The following ABLIM1 variants were observed in gnomAD, a reference collection of about 807,000 sequenced individuals.
The protein encoded by ABLIM1 is actin binding LIM protein 1, also known as actin-binding LIM protein 1.
In ABLIM1, 40 loss-of-function variants were observed where a neutral mutation model predicts 107.0. That is an observed-to-expected ratio of 0.37 (90% CI 0.29 to 0.49). ABLIM1 has a LOEUF of 0.49. ABLIM1 is among the 20% of genes least tolerant of loss of function. The pLI is 0.97. For synonymous variants in ABLIM1, 357 were observed against 357.3 expected (o/e 1.00, Z 0.01); for missense variants, 857 against 1,008.5 (o/e 0.85, Z 2.04).
intron 1 of ABLIM1, among the ~76,000 whole-genome samples, chr10:114,670,617 C>G (rs1261229326): frequency 6.6e-6 from 1 of 152,302 alleles, no homozygotes; most frequent in Admixed American, 6.5e-5. Flanking sequence ...CTCAGCCTCC[C>G]GAGTAGCTGA....
chr10:114,570,767 C>T (rs1470690096), intron 4 of ABLIM1, among the ~76,000 whole-genome samples: 1 of 152,018 alleles, frequency 6.6e-6, no homozygotes, highest in Non-Finnish European at 1.5e-5. Context: ...CACTATCATA[C>T]ACAGCTACTT....
intron 1 of ABLIM1, among the ~76,000 whole-genome samples, chr10:114,657,057 C>T (rs1403637529): frequency 1.3e-5 from 2 of 152,176 alleles, no homozygotes; most frequent in South Asian, 2.1e-4. Flanking sequence ...ATGAATTTTA[C>T]AGCATATGAA....
In ABLIM1 at chr10:114,581,195, T is replaced by TA. The variant is rs538255262; in HGVS notation, c.380-5597dup. Among the ~76,000 whole-genome samples, 587 of 152,244 alleles carry TA rather than the reference T, an allele frequency of 3.9e-3. 2 individuals carry two copies. Among genetic ancestry groups the TA allele is most frequent in the Non-Finnish European group, 6.4e-3 (432 of 68,012 alleles). ...GCATATTTTAAAAGCTGAAATCTTT[T>TA]AAAAAAAGTAACAGGAGCTGCCCAT... On this transcript the variant is annotated intron_variant, in intron 2 of 22. Transcript: ENST00000533213.
chr10:114,709,532 A>T lies in ABLIM1; in HGVS notation c.-213+58529T>A, dbSNP rs114749806. On this transcript the variant is annotated intron_variant, in intron 1 of 15. Coordinates refer to the ABLIM1 transcript ENST00000651092. ...ATGATCAAAATTCCTATATTTATTG[A>T]TCTAAAACTGTAGCAGTGAGTACAT... is the stretch of plus-strand genomic sequence containing the variant. Among the ~76,000 whole-genome samples, 773 of 152,342 alleles carry T rather than the reference A, an allele frequency of 5.1e-3. 5 individuals are homozygous for T. The highest frequency in any genetic ancestry group is 0.017 in the African/African-American group (726 of 41,576).
At chr10:114,770,271 G>T (rs1177060229), upstream of ABLIM1, among the ~76,000 whole-genome samples, 1 of 152,038 alleles carries the variant, frequency 6.6e-6, no homozygotes, top group African/African-American at 2.4e-5. Context: ...CAGTCTCTAG[G>T]GTAGATACTA....
At chr10:114,651,396 C>T (rs2079233274) in intron 1 of ABLIM1, among the ~76,000 whole-genome samples, 1 of 152,112 alleles carries the variant, frequency 6.6e-6, no homozygotes, top group South Asian at 2.1e-4. Context: ...GAGGTAAGAT[C>T]AGGCCGGCCC....
At position 114,432,020 on chromosome 10, in the gene ABLIM1, C is replaced by T. The variant is rs182582772; in HGVS notation, c.*4240G>A. The T allele has an allele frequency of 8.1e-4, 124 of 152,294 alleles. No individual in the cohort carries two copies. Among genetic ancestry groups the T allele is most frequent in the African/African-American group, 2.8e-3 (118 of 41,558 alleles). The allele number at this position is 152,294 out of a possible 1,614,324, so 9.4% of individuals were successfully genotyped here. Reference sequence around the variant, plus strand: ...GCCAAAGTGAAGGTTTCTCTTTCTTCTATCACAACATAGTTGGGTAGTTCC... The same window carrying T: ...GCCAAAGTGAAGGTTTCTCTTTCTTTTATCACAACATAGTTGGGTAGTTCC... On this transcript the variant is annotated 3_prime_UTR_variant, in exon 23 of 23. Coordinates refer to ENST00000533213, the MANE Select transcript of ABLIM1 (RefSeq NM_002313.7).
chr10:114,786,294 A>C, the ABLIM1 span, among the ~76,000 whole-genome samples: 1 of 152,206 alleles, frequency 6.6e-6, no homozygotes, highest in East Asian at 1.9e-4. Context: ...TCTGTTAGAA[A>C]ATATGAGGGG....
At chr10:114,665,502 G>T (rs1356791265) in intron 1 of ABLIM1, among the ~76,000 whole-genome samples, 1 of 152,226 alleles carries the variant, frequency 6.6e-6, no homozygotes, top group Admixed American at 6.5e-5. Flanking sequence ...AAAGGACATG[G>T]AGAAGCTCTT....
intron 1 of ABLIM1, among the ~76,000 whole-genome samples, chr10:114,712,090 C>G (rs900003084): frequency 6.6e-6 from 1 of 152,092 alleles, no homozygotes; most frequent in Non-Finnish European, 1.5e-5. Context: ...CGGTGACTCA[C>G]ACCTGTAATC....
chr10:114,724,101 T>A (rs2081907725), intron 1 of ABLIM1, among the ~76,000 whole-genome samples: 2 of 152,202 alleles, frequency 1.3e-5, no homozygotes, highest in African/African-American at 4.8e-5. Context: ...AAATTTTGGT[T>A]GCTTTATTAA....
chr10:114,732,909 A>G (rs866806073), intron 1 of ABLIM1, among the ~76,000 whole-genome samples: 4 of 152,212 alleles, frequency 2.6e-5, no homozygotes, highest in Non-Finnish European at 5.9e-5. Context: ...GCATTGACTC[A>G]TGCTCCAACT....
chr10:114,490,683 C>G (rs2058786512), intron 7 of ABLIM1, among the ~76,000 whole-genome samples: 1 of 151,932 alleles, frequency 6.6e-6, no homozygotes, highest in Non-Finnish European at 1.5e-5. Context: ...AGAATCCTCT[C>G]TCAAAGCCTC....
At position 114,433,728 on chromosome 10, in the gene ABLIM1, G is replaced by A. The variant is rs1250610820; in HGVS notation, c.*2532C>T. 1 of 152,152 alleles carries A rather than the reference G, an allele frequency of 6.6e-6. No individual in the cohort carries two copies. The highest frequency in any genetic ancestry group is 6.6e-5 in the Admixed American group (1 of 15,264). 9.4% of individuals were successfully genotyped at this position (152,152 alleles called of 1,614,324 possible). On this transcript the variant is annotated 3_prime_UTR_variant, in exon 23 of 23. Coordinates refer to ENST00000533213, the MANE Select transcript of ABLIM1 (RefSeq NM_002313.7). ...CTCCTAGTCTCTATAAAATAAGGAA[G>A]GGGGTTGTCCCAGTTTTCAGTCTAA...
intron 1 of ABLIM1, among the ~76,000 whole-genome samples, chr10:114,643,441 C>T (rs1372621126): frequency 2.0e-5 from 3 of 152,140 alleles, no homozygotes; most frequent in East Asian, 3.9e-4. Flanking sequence ...TATAAAATCT[C>T]ATCACTGTGT....
Position 114,750,107 on chromosome 10 carries a change from A to G in ABLIM1, c.-213+17954T>C, listed in dbSNP as rs1248742264. 1.3e-5 allele frequency among the ~76,000 whole-genome samples: 2 copies of G among 152,226 alleles called. 1 individual carries two copies. The highest frequency in any genetic ancestry group is 2.9e-5 in the Non-Finnish European group (2 of 68,038). On this transcript the variant is annotated intron_variant, in intron 1 of 15. Transcript: ENST00000651092. Reference sequence around the variant, plus strand: ...AAAAATCTGTTGTGTGCACTGCTACAGCTACTGCTCCTAAAACAGCAGGTG... The same window carrying G: ...AAAAATCTGTTGTGTGCACTGCTACGGCTACTGCTCCTAAAACAGCAGGTG...
intron 1 of ABLIM1, chr10:114,690,075 G>T: frequency 1.2e-6 from 1 of 862,774 alleles, no homozygotes; most frequent in Non-Finnish European, 1.8e-6. Flanking sequence ...CAAGCAAATG[G>T]GGTGGAGGGT....
Position 114,658,004 on chromosome 10 carries a change from T to A in ABLIM1, c.197A>T (p.Lys66Met). ...TACACGCCCACGTGGGCAGTAGTCCTTGGGACAGAGATACAGCAAATGAGT... is the reference window on the plus strand; with the variant it reads ...TACACGCCCACGTGGGCAGTAGTCCATGGGACAGAGATACAGCAAATGAGT... ...TITHLLYLCP[K>M]DYCPRGRVCN... Residue 66 changes from lysine (K) to methionine (M), a missense_variant, in exon 1 of 23, where the codon AAG becomes ATG. Coordinates refer to ENST00000533213, the MANE Select transcript of ABLIM1 (RefSeq NM_002313.7). 1 of 1,614,166 alleles carries A rather than the reference T, an allele frequency of 6.2e-7. No individual in the cohort carries two copies. Among genetic ancestry groups the A allele is most frequent in the Non-Finnish European group, 8.5e-7 (1 of 1,180,018 alleles).
At chr10:114,734,804 A>G (rs964503446) in intron 1 of ABLIM1, among the ~76,000 whole-genome samples, 1 of 152,210 alleles carries the variant, frequency 6.6e-6, no homozygotes, top group South Asian at 2.1e-4. Context: ...TTTGGTATGT[A>G]TCTCACACTG....
Sources: gnomAD v4.1 joint callset for allele counts (sites outside exome capture counted in the v4.1 genomes callset) on GRCh38, gnomAD v4.1.1 for gene constraint, MANE v1.5 for transcripts, NCBI Gene and HGNC (gene_info 2026-07-23, HGNC 2026-07-21) for gene names.